CPVL: variants seen among roughly 807,000 people sequenced by gnomAD.
CPVL encodes the protein carboxypeptidase vitellogenic like, also known as probable serine carboxypeptidase CPVL.
CPVL carries 51 observed loss-of-function variants against 63.7 expected under a neutral mutation model. The ratio of observed to expected loss-of-function variants is 0.80; its 90% CI spans 0.64 to 1.01. The LOEUF is 1.01. Among genes scored for constraint, CPVL ranks in the 50% least tolerant of loss-of-function variants. The pLI, the probability that CPVL is intolerant of heterozygous loss-of-function variation, is 0.00. For synonymous variants in CPVL, 195 were observed against 206.0 expected, an observed-to-expected ratio of 0.95 and a Z score of 0.46; for missense variants, 530 against 573.1, an observed-to-expected ratio of 0.92 and a Z score of 0.77.
chr7:29,004,896 C>CTTTTTTTTTTTTTTTT (rs555443117), intron 12 of CPVL, among the ~76,000 whole-genome samples: 1 of 144,848 alleles, frequency 6.9e-6, no homozygotes, highest in African/African-American at 2.6e-5. Flanking sequence ...TTTTTCTTTT[C>CTTTTTTTTTTTTTTTT]TTTTCTTTTT....
intron 3 of CPVL, among the ~76,000 whole-genome samples, chr7:29,107,878 G>A (rs749866339): frequency 2.6e-5 from 4 of 152,186 alleles, no homozygotes; most frequent in South Asian, 2.1e-4. Flanking sequence ...CTGATTCCAC[G>A]CCTTCACCCC....
intron 12 of CPVL, among the ~76,000 whole-genome samples, chr7:29,007,841 A>AT (rs1483772514): frequency 6.6e-6 from 1 of 152,176 alleles, no homozygotes; most frequent in African/African-American, 2.4e-5. Flanking sequence ...TTCACTGAAC[A>AT]TTTACTCAGT....
intron 7 of CPVL, among the ~76,000 whole-genome samples, chr7:29,084,331 C>T (rs1785011457): frequency 6.6e-6 from 1 of 152,196 alleles, no homozygotes; most frequent in Non-Finnish European, 1.5e-5. Context: ...GTTCCTTCTG[C>T]CAGGAAAGCT....
chr7:29,188,484 T>G (rs1207392078), intron 1 of CPVL, among the ~76,000 whole-genome samples: 3 of 152,216 alleles, frequency 2.0e-5, no homozygotes, highest in Non-Finnish European at 2.9e-5. Flanking sequence ...GGCTCAGATA[T>G]TGTGTCTGTT....
chr7:29,078,506 C>A (rs1784421332), intron 7 of CPVL, among the ~76,000 whole-genome samples: 1 of 152,204 alleles, frequency 6.6e-6, no homozygotes, highest in Non-Finnish European at 1.5e-5. Context: ...AGAGTCTGAA[C>A]ACACTGGGCC....
intron 11 of CPVL, among the ~76,000 whole-genome samples, chr7:29,058,542 T>A (rs1790972078): frequency 6.6e-6 from 1 of 152,108 alleles, no homozygotes; most frequent in African/African-American, 2.4e-5. Context: ...TATCTTCTCT[T>A]TGAAAACTTA....
At chr7:29,167,299 T>C (rs1485987341) in intron 5 of CPVL, among the ~76,000 whole-genome samples, 4 of 152,220 alleles carry the variant, frequency 2.6e-5, no homozygotes, top group African/African-American at 7.2e-5. Flanking sequence ...TCATTCAATA[T>C]GTTTCTGAAA....
chr7:29,194,479 C>G (rs1783352769), intron 1 of CPVL: 1 of 158,014 alleles, frequency 6.3e-6, no homozygotes, highest in Non-Finnish European at 1.4e-5. Context: ...TCTGTCTGTC[C>G]GTCTCCCGCC....
chr7:29,020,680 AAT>A (rs1478306493), intron 12 of CPVL, among the ~76,000 whole-genome samples: 1 of 124,544 alleles, frequency 8.0e-6, no homozygotes, highest in East Asian at 2.0e-4. Context: ...TTAAAAAAAC[AAT>A]AGTCACACAC....
intron 12 of CPVL, among the ~76,000 whole-genome samples, chr7:28,998,980 C>T (rs887975678): frequency 1.3e-5 from 2 of 151,394 alleles, no homozygotes; most frequent in African/African-American, 2.4e-5. Flanking sequence ...CTGAGGTGGG[C>T]GGATCATTTG....
chr7:29,006,201 C>A (rs57378958), intron 12 of CPVL, among the ~76,000 whole-genome samples: 1 of 152,082 alleles, frequency 6.6e-6, no homozygotes, highest in African/African-American at 2.4e-5. Context: ...AAATTGGCTG[C>A]GTGAGAGTAT....
intron 11 of CPVL, among the ~76,000 whole-genome samples, chr7:29,043,312 G>A (rs1434575909): frequency 6.6e-6 from 1 of 151,748 alleles, no homozygotes; most frequent in Non-Finnish European, 1.5e-5. Context: ...GTATCAGTCA[G>A]GTGCAAGACT....
intron 6 of CPVL, among the ~76,000 whole-genome samples, chr7:29,088,834 G>T (rs1027057793): frequency 6.6e-6 from 1 of 152,156 alleles, no homozygotes; most frequent in African/African-American, 2.4e-5. Context: ...AATTATCTGG[G>T]TGTGGTGGTG....
In CPVL at chr7:29,146,529, C is replaced by T; in HGVS notation, c.-111G>A. 6.7e-7 allele frequency: 1 copy of T among 1,496,968 alleles called. No individual in the cohort carries two copies. Among genetic ancestry groups the T allele is most frequent in the Non-Finnish European group, 8.9e-7 (1 of 1,125,094 alleles). The allele number at this position is 1,496,968 out of a possible 1,614,324, so 92.7% of individuals were successfully genotyped here. On this transcript the variant is annotated 5_prime_UTR_variant, in exon 1 of 13. In the 5' UTR this introduces an upstream ATG that the reference lacks. Transcript: ENST00000265394. The stretch of plus-strand genomic sequence containing the variant: ...ATCAGGCAGAAGTGAGGCAGCCCCA[C>T]CCAGTCACGAGGACCCTGCAGAACT...
At chr7:29,065,832 A>C (rs1296456457) in intron 10 of CPVL, among the ~76,000 whole-genome samples, 191 bp downstream of exon 10, 1 of 152,158 alleles carries the variant, frequency 6.6e-6, no homozygotes, top group Non-Finnish European at 1.5e-5. Flanking sequence ...ACACATTCTC[A>C]GTGGTCAGAT....
chr7:29,071,719 C>CA, intron 9 of CPVL, 54 bp downstream of exon 9: 7 of 1,068,948 alleles, frequency 6.5e-6, no homozygotes, highest in Non-Finnish European at 9.3e-6. Flanking sequence ...ACCCGCCCTC[C>CA]CTCCCCAGAT....
chr7:29,027,010 C>T (rs317743), intron 12 of CPVL, among the ~76,000 whole-genome samples: 21,525 of 152,040 alleles, frequency 0.14, 1,584 homozygotes, highest in Middle Eastern at 0.23. Context: ...CATCCTGATA[C>T]GAAAACCAGA....
chr7:29,172,058 T>G (rs2128726335), intron 5 of CPVL, among the ~76,000 whole-genome samples: 1 of 152,312 alleles, frequency 6.6e-6, no homozygotes, highest in South Asian at 2.1e-4. Flanking sequence ...GTCAGCCAGA[T>G]GGGCCAAATC....
intron 12 of CPVL, among the ~76,000 whole-genome samples, chr7:29,013,841 C>T (rs1037177995): frequency 7.2e-5 from 11 of 152,228 alleles, no homozygotes; most frequent in Non-Finnish European, 1.3e-4. Context: ...TGATGACCTT[C>T]CTGGGGCAGC....
Sources: gnomAD v4.1 joint callset for allele counts (sites outside exome capture counted in the v4.1 genomes callset) on GRCh38, gnomAD v4.1.1 for gene constraint, MANE v1.5 for transcripts, NCBI Gene and HGNC (gene_info 2026-07-23, HGNC 2026-07-21) for gene names.